Variants in KAZN observed in about 807,000 individuals in gnomAD.
The protein encoded by KAZN is kazrin, periplakin interacting protein.
In KAZN, 40 loss-of-function variants were observed where a neutral mutation model predicts 87.4. That is an observed-to-expected ratio of 0.46 (90% confidence interval 0.36 to 0.60). The LOEUF is 0.60. Ranked by LOEUF, KAZN falls within the 20% of genes least tolerant of loss-of-function variation. The pLI, the probability that KAZN is intolerant of heterozygous loss-of-function variation, is 0.00. For synonymous variants in KAZN, 466 were observed against 458.3 expected (o/e 1.02, Z -0.22); for missense variants, 898 against 1,073.9 (o/e 0.84, Z 2.29).
At chr1:14,419,670 C>T (rs1267450134) in intron 2 of KAZN, among the ~76,000 whole-genome samples, 3 of 152,156 alleles carry the variant, frequency 2.0e-5, no homozygotes, top group South Asian at 2.1e-4. Context: ...GAGTTCCTTC[C>T]TTCTGGTGGG....
chr1:14,789,760 C>CAAAAAAAAAAA lies in KAZN; in HGVS notation c.227-170897_227-170887dup, dbSNP rs3032757. Among the ~76,000 whole-genome samples the CAAAAAAAAAAA allele has an allele frequency of 8.6e-5, 4 of 46,250 alleles. 2 individuals are homozygous for CAAAAAAAAAAA. The highest frequency in any genetic ancestry group is 3.3e-4 in the African/African-American group (4 of 12,018). 30.3% of individuals were successfully genotyped at this position (46,250 alleles called of 152,430 possible). Reference sequence around the variant, plus strand: ...GCAAGGACTCTAAGCTCCTCATTACCAAAAAAAAAAAAAAAAAAAAAAAAA... The same window carrying CAAAAAAAAAAA: ...GCAAGGACTCTAAGCTCCTCATTACCAAAAAAAAAAAAAAAAAAAAAAAAAAAAAAAAAAAA... On this transcript the variant is annotated intron_variant, in intron 1 of 14. Coordinates refer to ENST00000376030, the MANE Select transcript of KAZN (RefSeq NM_201628.3).
At chr1:14,374,116 T>A (rs943917) in intron 2 of KAZN, among the ~76,000 whole-genome samples, 141,152 of 152,248 alleles carry the variant, frequency 0.93, 65,598 homozygotes, top group Middle Eastern at 0.97. Flanking sequence ...ATAAAAGCAC[T>A]TCTCAGACCA....
At chr1:15,003,398 T>C (rs752030052) in intron 2 of KAZN, among the ~76,000 whole-genome samples, 3 of 152,194 alleles carry the variant, frequency 2.0e-5, no homozygotes, top group Non-Finnish European at 4.4e-5. Context: ...ATAGATTCAT[T>C]ATCTTGATTG....
At chr1:14,789,926 C>A (rs1468867464) in intron 1 of KAZN, among the ~76,000 whole-genome samples, 1 of 152,160 alleles carries the variant, frequency 6.6e-6, no homozygotes, top group East Asian at 1.9e-4. Flanking sequence ...TCAAAGGATT[C>A]TTTTCTTTCT....
intron 1 of KAZN, among the ~76,000 whole-genome samples, chr1:14,676,729 A>G (rs959647280): frequency 6.6e-6 from 1 of 152,196 alleles, no homozygotes; most frequent in African/African-American, 2.4e-5. Context: ...TCCCATTTAT[A>G]TGAAATGTCC....
At chr1:14,315,152 G>T (rs1009344059) in intron 2 of KAZN, among the ~76,000 whole-genome samples, 6 of 152,010 alleles carry the variant, frequency 3.9e-5, no homozygotes, top group Non-Finnish European at 8.8e-5. Flanking sequence ...AGTTTTGTAT[G>T]ACAGTCACTT....
chr1:14,641,133 G>T (rs923284892), intron 1 of KAZN, among the ~76,000 whole-genome samples: 10 of 152,166 alleles, frequency 6.6e-5, no homozygotes, highest in Non-Finnish European at 1.5e-4. Context: ...GTCAGGCTGG[G>T]TCATGGAGCT....
chr1:14,390,512 C>T (rs1015528402), intron 2 of KAZN, among the ~76,000 whole-genome samples: 1 of 152,154 alleles, frequency 6.6e-6, no homozygotes, highest in African/African-American at 2.4e-5. Context: ...GGGGGATGAG[C>T]ATTCCATGCA....
intron 2 of KAZN, among the ~76,000 whole-genome samples, chr1:15,007,613 C>T (rs956515898): frequency 2.6e-5 from 4 of 152,188 alleles, no homozygotes; most frequent in African/African-American, 7.2e-5. Context: ...CCAGCCGACC[C>T]GTTGGGTAGT....
At chr1:14,414,381 G>C (rs550542172) in intron 2 of KAZN, among the ~76,000 whole-genome samples, 1 of 151,954 alleles carries the variant, frequency 6.6e-6, no homozygotes, top group East Asian at 1.9e-4. Flanking sequence ...TAGTGGTGGG[G>C]GAGAGGAAGG....
chr1:14,553,142 A>C (rs1673645006), intron 2 of KAZN, among the ~76,000 whole-genome samples: 1 of 152,180 alleles, frequency 6.6e-6, no homozygotes, highest in Non-Finnish European at 1.5e-5. Context: ...TGGGAAGCCG[A>C]GGCGGGCAGA....
chr1:14,840,652 A>G (rs554773556), intron 1 of KAZN, among the ~76,000 whole-genome samples: 4 of 152,332 alleles, frequency 2.6e-5, no homozygotes, highest in African/African-American at 9.6e-5. Flanking sequence ...ACACTCATCC[A>G]GGCAGAAAGA....
At chr1:14,547,187 C>A (rs1192698048) in intron 2 of KAZN, among the ~76,000 whole-genome samples, 1 of 152,170 alleles carries the variant, frequency 6.6e-6, no homozygotes, top group African/African-American at 2.4e-5. Context: ...AATAGAATGA[C>A]ATTTTTTTTT....
chr1:14,702,451 AC>A (rs1641985099), intron 1 of KAZN, among the ~76,000 whole-genome samples: 2 of 151,836 alleles, frequency 1.3e-5, no homozygotes, highest in South Asian at 4.2e-4. Flanking sequence ...AAGGTTATCA[AC>A]CAAGTGCCAA....
chr1:14,304,057 T>C (rs1284657970), intron 2 of KAZN, among the ~76,000 whole-genome samples: 1 of 152,222 alleles, frequency 6.6e-6, no homozygotes, highest in Non-Finnish European at 1.5e-5. Context: ...GTATTGATGG[T>C]GGGGCTGTCT....
At chr1:14,010,061 C>T (rs1316052582) in intron 1 of KAZN, among the ~76,000 whole-genome samples, 1 of 152,084 alleles carries the variant, frequency 6.6e-6, no homozygotes, top group Non-Finnish European at 1.5e-5. Context: ...TTTGTTGTTG[C>T]CATATCAGTA....
intron 2 of KAZN, among the ~76,000 whole-genome samples, chr1:14,370,007 C>G (rs117485518): frequency 6.6e-6 from 1 of 152,190 alleles, no homozygotes; most frequent in African/African-American, 2.4e-5. Context: ...CCTCCCCACA[C>G]GTGCATGAGA....
intron 1 of KAZN, among the ~76,000 whole-genome samples, chr1:14,772,663 G>A (rs1645052202): frequency 6.6e-6 from 1 of 152,138 alleles, no homozygotes; most frequent in African/African-American, 2.4e-5. Flanking sequence ...AGAGACACAG[G>A]TGGCTCCCGA....
chr1:14,481,005 A>G (rs552448958), intron 2 of KAZN, among the ~76,000 whole-genome samples: 2 of 151,472 alleles, frequency 1.3e-5, no homozygotes, highest in East Asian at 3.9e-4. Context: ...GGCAATGATG[A>G]CTATACACTT....
Sources: allele counts gnomAD v4.1 joint callset (sites outside exome capture counted in the v4.1 genomes callset), GRCh38; gene constraint gnomAD v4.1.1; transcripts MANE v1.5; gene names NCBI Gene and HGNC (gene_info 2026-07-23, HGNC 2026-07-21).